The following TRAPPC9 variants were observed in gnomAD, a reference collection of about 807,000 sequenced individuals.
TRAPPC9 encodes IKK2 binding protein.
A neutral mutation model predicts 124.0 loss-of-function variants in TRAPPC9; 83 were observed. The observed-to-expected ratio is 0.67, with a 90% CI of 0.56 to 0.80. The LOEUF (loss-of-function observed/expected upper bound fraction) is 0.80. Among genes scored for constraint, TRAPPC9 ranks in the 30% least tolerant of loss-of-function variants. TRAPPC9 has a pLI of 0.00. For synonymous variants in TRAPPC9, 638 were observed against 617.5 expected, an observed-to-expected ratio of 1.03 and a Z score of -0.49; for missense variants, 1,302 against 1,508.3, an observed-to-expected ratio of 0.86 and a Z score of 2.27.
intron 21 of TRAPPC9, among the ~76,000 whole-genome samples, chr8:139,802,413 A>C (rs1823602523): frequency 6.6e-6 from 1 of 151,984 alleles, no homozygotes. Context: ...TGGCTATGGG[A>C]GGGGTCCCTG....
chr8:139,732,497 T>A (rs1341314253), intron 21 of TRAPPC9, among the ~76,000 whole-genome samples: 1 of 152,106 alleles, frequency 6.6e-6, no homozygotes, highest in African/African-American at 2.4e-5. Flanking sequence ...GGGGAGGAGC[T>A]CTCTAGTGAG....
intron 17 of TRAPPC9, among the ~76,000 whole-genome samples, chr8:140,030,538 C>T (rs1840436452): frequency 6.6e-6 from 1 of 152,162 alleles, no homozygotes; most frequent in Admixed American, 6.5e-5. Context: ...CATATCTACA[C>T]AAAAACATGG....
intron 17 of TRAPPC9, among the ~76,000 whole-genome samples, chr8:140,117,863 C>T (rs767322347): frequency 9.2e-5 from 14 of 152,138 alleles, no homozygotes; most frequent in Non-Finnish European, 1.9e-4. Context: ...ACTACAGTTA[C>T]AAGATACAAC....
intron 21 of TRAPPC9, among the ~76,000 whole-genome samples, chr8:139,755,199 T>C (rs1819620610): frequency 6.6e-6 from 1 of 152,232 alleles, no homozygotes. Context: ...GGATAACTTG[T>C]GCTGAGTGAA....
chr8:140,002,844 CAAAAAAAA>C (rs56895763), intron 18 of TRAPPC9, among the ~76,000 whole-genome samples: 110 of 68,816 alleles, frequency 1.6e-3, no homozygotes, highest in East Asian at 2.6e-3. Flanking sequence ...TTCCACTTAT[CAAAAAAAA>C]AAAAAAAAAA....
At chr8:140,040,537 G>C (rs1028206310) in intron 17 of TRAPPC9, 1 of 152,276 alleles carries the variant, frequency 6.6e-6, no homozygotes. Flanking sequence ...TGGGACTACA[G>C]GCACCCGCTA....
At chr8:140,339,025 T>A (rs2067122744) in intron 9 of TRAPPC9, among the ~76,000 whole-genome samples, 1 of 142,498 alleles carries the variant, frequency 7.0e-6, no homozygotes, top group South Asian at 2.4e-4. Context: ...GACGGCCACC[T>A]ACAGGCCGAC....
chr8:140,155,263 G>A (rs1208004832), intron 17 of TRAPPC9, among the ~76,000 whole-genome samples: 4 of 152,164 alleles, frequency 2.6e-5, no homozygotes, highest in South Asian at 2.1e-4. Context: ...AGACTCCCTC[G>A]CCTCAGGATT....
intron 19 of TRAPPC9, among the ~76,000 whole-genome samples, chr8:139,915,613 C>A (rs1485754847): frequency 6.6e-6 from 1 of 152,184 alleles, no homozygotes; most frequent in Non-Finnish European, 1.5e-5. Flanking sequence ...CTGTTCGTGT[C>A]TGACCAAGAC....
intron 17 of TRAPPC9, among the ~76,000 whole-genome samples, chr8:140,076,245 G>T (rs1489016411): frequency 6.6e-6 from 1 of 152,200 alleles, no homozygotes; most frequent in African/African-American, 2.4e-5. Context: ...TCCACTTGAT[G>T]ACATCACTGC....
rs1357844052 is a variant in TRAPPC9, at chr8:140,302,874, G to A, written c.1623-2260C>T. On this transcript the variant is annotated intron_variant, in intron 10 of 22. Coordinates refer to ENST00000438773, the MANE Select transcript of TRAPPC9 (RefSeq NM_001160372.4). ...GCGCCAGCTGTAGTAGCAAGGTGGG[G>A]CCAGCCGCTCCCATCCTGAATGCTG... is the stretch of plus-strand genomic sequence containing the variant. 26 of 152,216 alleles carry A rather than the reference G, an allele frequency of 1.7e-4. 2 individuals carry two copies. The highest frequency in any genetic ancestry group is 1.7e-3 in the Admixed American group (26 of 15,284). 9.4% of individuals were successfully genotyped at this position (152,216 alleles called of 1,614,324 possible).
At chr8:139,918,145 G>T (rs1167174926) in intron 19 of TRAPPC9, among the ~76,000 whole-genome samples, 1 of 152,204 alleles carries the variant, frequency 6.6e-6, no homozygotes, top group Non-Finnish European at 1.5e-5. Flanking sequence ...TCTGAATCTT[G>T]AGCTCCTCAC....
chr8:139,882,573 CTGTGGGGGCCAGT>C (rs2131097447), intron 21 of TRAPPC9, among the ~76,000 whole-genome samples: 1 of 152,306 alleles, frequency 6.6e-6, no homozygotes, highest in East Asian at 1.9e-4. Context: ...CTGAGCCCAG[CTGTGGGGGCCAGT>C]ATGCATCTGC....
At chr8:139,964,264 A>G (rs940771871) in intron 19 of TRAPPC9, among the ~76,000 whole-genome samples, 1 of 147,058 alleles carries the variant, frequency 6.8e-6, no homozygotes, top group Admixed American at 6.8e-5. Flanking sequence ...GCACCTCAGG[A>G]GGCCAGGGAA....
intron 21 of TRAPPC9, among the ~76,000 whole-genome samples, chr8:139,790,884 G>A (rs1015269118): frequency 6.6e-6 from 1 of 152,258 alleles, no homozygotes; most frequent in East Asian, 1.9e-4. Flanking sequence ...CCTTGCGATA[G>A]TGAGTGATTT....
At chr8:140,203,820 G>T (rs1419546295) in intron 17 of TRAPPC9, among the ~76,000 whole-genome samples, 1 of 152,210 alleles carries the variant, frequency 6.6e-6, no homozygotes, top group Non-Finnish European at 1.5e-5. Context: ...TTCCCCACTG[G>T]CTGGGTACCA....
intron 7 of TRAPPC9, among the ~76,000 whole-genome samples, chr8:140,373,832 C>T (rs768435867): frequency 2.6e-5 from 4 of 152,176 alleles, no homozygotes; most frequent in South Asian, 2.1e-4. Context: ...CTTTGTGAAG[C>T]GCTTGTTCAA....
At chr8:140,019,542 CTTTTTTT>C (rs71320340) in intron 18 of TRAPPC9, among the ~76,000 whole-genome samples, 2 of 43,860 alleles carry the variant, frequency 4.6e-5, no homozygotes, top group African/African-American at 9.2e-5. Context: ...TAATTTGTGT[CTTTTTTT>C]TTTTTTTTTT....
At chr8:139,734,399 C>G (rs148660431) in intron 21 of TRAPPC9, among the ~76,000 whole-genome samples, 1 of 152,172 alleles carries the variant, frequency 6.6e-6, no homozygotes, top group Non-Finnish European at 1.5e-5. Flanking sequence ...GAATGTGGCT[C>G]GTGTCCACTG....
Sources: gnomAD v4.1 joint callset for allele counts (sites outside exome capture counted in the v4.1 genomes callset) on GRCh38, gnomAD v4.1.1 for gene constraint, MANE v1.5 for transcripts, NCBI Gene and HGNC (gene_info 2026-07-23, HGNC 2026-07-21) for gene names.